FLRT2: variants seen among roughly 807,000 people sequenced by gnomAD.
The protein encoded by FLRT2 is leucine-rich repeat transmembrane protein FLRT2.
A neutral mutation model predicts 40.0 loss-of-function variants in FLRT2; 15 were observed. That is an observed-to-expected ratio of 0.38 (90% CI 0.25 to 0.58). FLRT2 has a LOEUF of 0.58. FLRT2 is among the 20% of genes least tolerant of loss of function. The pLI is 0.71. For missense variants in FLRT2, 726 were observed against 840.0 expected (o/e 0.86, Z 1.68); for synonymous variants, 380 against 336.8 (o/e 1.13, Z -1.41).
At chr14:85,585,708 G>A (rs1016938519) in intron 1 of FLRT2, among the ~76,000 whole-genome samples, 1 of 151,962 alleles carries the variant, frequency 6.6e-6, no homozygotes, top group African/African-American at 2.4e-5. Context: ...GAAGATGGGT[G>A]AACCTTGTTT....
At chr14:85,597,110 C>A (rs1892175135) in intron 1 of FLRT2, among the ~76,000 whole-genome samples, 1 of 152,092 alleles carries the variant, frequency 6.6e-6, no homozygotes, top group Non-Finnish European at 1.5e-5. Flanking sequence ...GGTATGACAA[C>A]TTTGGCGCTT....
In FLRT2 at chr14:85,614,597, A is replaced by C. The variant is rs7157384; in HGVS notation, c.-376-6542A>C. Among the ~76,000 whole-genome samples, 1,401 of 152,284 alleles carry C rather than the reference A, an allele frequency of 9.2e-3. 20 individuals carry two copies. The highest frequency in any genetic ancestry group is 0.032 in the African/African-American group (1,326 of 41,560). On this transcript the variant is annotated intron_variant, in intron 1 of 1. Coordinates refer to ENST00000330753, the MANE Select transcript of FLRT2 (RefSeq NM_013231.6). ...GCTGGGTGGTCAAACGTTAGTGACT[A>C]ATCATCAGCCCCACTTGGGAAAGTT...
At chr14:85,581,391 T>C (rs1891381004) in intron 1 of FLRT2, among the ~76,000 whole-genome samples, 1 of 152,166 alleles carries the variant, frequency 6.6e-6, no homozygotes, top group Admixed American at 6.5e-5. Context: ...CTGACCTCTA[T>C]ATTTAGTGGT....
intron 1 of FLRT2, among the ~76,000 whole-genome samples, chr14:85,598,454 G>A (rs1892234704): frequency 6.6e-6 from 1 of 152,116 alleles, no homozygotes; most frequent in African/African-American, 2.4e-5. Flanking sequence ...AGTGATTTTG[G>A]GGTGCAGTGC....
In FLRT2 at chr14:85,642,610, T is replaced by C. The variant is rs941557468; in HGVS notation, c.*19113T>C. On this transcript the variant is annotated 3_prime_UTR_variant, in exon 2 of 2. Transcript: ENST00000330753. ...TTTATCAGGAGAAATCTGCGGACTA[T>C]GTATGGCAACAGACTCAAAGGGAGG... 3 of 152,148 alleles carry C rather than the reference T, an allele frequency of 2.0e-5. No individual in the cohort carries two copies. Among genetic ancestry groups the C allele is most frequent in the African/African-American group, 7.2e-5 (3 of 41,418 alleles). 9.4% of individuals were successfully genotyped at this position (152,148 alleles called of 1,614,324 possible). A position where few individuals can be genotyped will look rare whatever the true frequency, so the allele number is the denominator to read the frequency against.
At position 85,645,388 on chromosome 14, in the gene FLRT2, T is replaced by G. The variant is rs1353143434; in HGVS notation, c.*21891T>G. 6.6e-6 allele frequency: 1 copy of G among 152,058 alleles called. No homozygotes were observed. The highest frequency in any genetic ancestry group is 1.5e-5 in the Non-Finnish European group (1 of 68,022). The allele number at this position is 152,058 out of a possible 1,614,324, so 9.4% of individuals were successfully genotyped here. A position where few individuals can be genotyped will look rare whatever the true frequency, so the allele number is the denominator to read the frequency against. Reference sequence around the variant, plus strand: ...TTGTTGCTTGAGCAGGTGTTCACCCTCCCACATAAATTCATCCTACTTAAT... The same window carrying G: ...TTGTTGCTTGAGCAGGTGTTCACCCGCCCACATAAATTCATCCTACTTAAT... On this transcript the variant is annotated 3_prime_UTR_variant, in exon 2 of 2. Coordinates refer to ENST00000330753, the MANE Select transcript of FLRT2 (RefSeq NM_013231.6).
At chr14:85,561,759 A>G (rs1280937566) in intron 1 of FLRT2, among the ~76,000 whole-genome samples, 1 of 152,268 alleles carries the variant, frequency 6.6e-6, no homozygotes, top group African/African-American at 2.4e-5. Context: ...AGCCTTTCCC[A>G]CTAGAATGTC....
At chr14:85,565,038 C>T (rs957685922) in intron 1 of FLRT2, among the ~76,000 whole-genome samples, 1 of 152,180 alleles carries the variant, frequency 6.6e-6, no homozygotes, top group Non-Finnish European at 1.5e-5. Context: ...GTATGTATAA[C>T]AGTCAGTGGT....
chr14:85,588,274 T>C (rs1321913110), intron 1 of FLRT2, among the ~76,000 whole-genome samples: 2 of 152,152 alleles, frequency 1.3e-5, no homozygotes, highest in African/African-American at 4.8e-5. Context: ...CTAAGAATAA[T>C]AAAAATACTT....
rs1271034421 is a variant in FLRT2, at chr14:85,639,321, G to T, written c.*15824G>T. ...CGTTAAGTTGACAAAATCTTGACAG[G>T]AGTAAAAGATAATCGAATTCTCTTT... On this transcript the variant is annotated 3_prime_UTR_variant, in exon 2 of 2. Transcript: ENST00000330753. The T allele has an allele frequency of 1.3e-5, 2 of 152,150 alleles. No individual in the cohort carries two copies. The highest frequency in any genetic ancestry group is 1.3e-4 in the Admixed American group (2 of 15,278). 9.4% of individuals were successfully genotyped at this position (152,150 alleles called of 1,614,324 possible).
intron 1 of FLRT2, among the ~76,000 whole-genome samples, chr14:85,569,131 T>G (rs1421921103): frequency 6.6e-6 from 1 of 152,200 alleles, no homozygotes; most frequent in African/African-American, 2.4e-5. Flanking sequence ...GTGAGGGCTC[T>G]TTGGGGACAA....
At chr14:85,530,924 C>T (rs978986058) in intron 1 of FLRT2, among the ~76,000 whole-genome samples, 2 of 152,204 alleles carry the variant, frequency 1.3e-5, no homozygotes, top group Non-Finnish European at 2.9e-5. Flanking sequence ...ACCCTCTCCC[C>T]TCCACAAGCT....
Position 85,649,060 on chromosome 14 carries a change from A to G in FLRT2, c.*25563A>G, listed in dbSNP as rs898578622. 6.6e-6 allele frequency: 1 copy of G among 152,152 alleles called. No homozygotes were observed. Among genetic ancestry groups the G allele is most frequent in the Non-Finnish European group, 1.5e-5 (1 of 68,018 alleles). The allele number at this position is 152,152 out of a possible 1,614,324, so 9.4% of individuals were successfully genotyped here. A position where few individuals can be genotyped will look rare whatever the true frequency, so the allele number is the denominator to read the frequency against. On this transcript the variant is annotated 3_prime_UTR_variant, in exon 2 of 2. Coordinates refer to ENST00000330753, the MANE Select transcript of FLRT2 (RefSeq NM_013231.6). ...TGATACTCTCCCTGTCAATATGCCT[A>G]TTACCCCAATATAATTTAAGATTGA... is the stretch of plus-strand genomic sequence containing the variant.
At chr14:85,575,258 T>G (rs1009736949) in intron 1 of FLRT2, among the ~76,000 whole-genome samples, 6 of 152,152 alleles carry the variant, frequency 3.9e-5, no homozygotes, top group African/African-American at 1.4e-4. Flanking sequence ...TGTGGGTGGA[T>G]GGAGTAAGGG....
At chr14:85,593,153 A>G (rs969200096) in intron 1 of FLRT2, among the ~76,000 whole-genome samples, 1 of 152,238 alleles carries the variant, frequency 6.6e-6, no homozygotes, top group Admixed American at 6.5e-5. Context: ...ATTTAGGTTA[A>G]CTACAAAAGA....
intron 1 of FLRT2, among the ~76,000 whole-genome samples, chr14:85,543,745 A>G (rs1028671755): frequency 6.6e-6 from 1 of 152,064 alleles, no homozygotes; most frequent in African/African-American, 2.4e-5. Flanking sequence ...CATGCTGTTT[A>G]CCATTTACCT....
chr14:85,590,854 T>A (rs1891850933), intron 1 of FLRT2, among the ~76,000 whole-genome samples: 1 of 152,180 alleles, frequency 6.6e-6, no homozygotes, highest in South Asian at 2.1e-4. Flanking sequence ...TACCTTGGCC[T>A]CCTGAAGTGC....
chr14:85,569,191 G>A (rs899807197), intron 1 of FLRT2, among the ~76,000 whole-genome samples: 3 of 152,172 alleles, frequency 2.0e-5, no homozygotes, highest in African/African-American at 7.2e-5. Flanking sequence ...TTTGAGCATT[G>A]TTCTTTAATT....
At chr14:85,585,569 A>G (rs1258640032) in intron 1 of FLRT2, among the ~76,000 whole-genome samples, 1 of 152,166 alleles carries the variant, frequency 6.6e-6, no homozygotes, top group African/African-American at 2.4e-5. Flanking sequence ...ATCTCAGCAC[A>G]CAGAAAGAAT....
Sources: gnomAD v4.1 joint callset for allele counts (sites outside exome capture counted in the v4.1 genomes callset) on GRCh38, gnomAD v4.1.1 for gene constraint, MANE v1.5 for transcripts, NCBI Gene and HGNC (gene_info 2026-07-23, HGNC 2026-07-21) for gene names.